Variants in CHCHD6 observed in about 807,000 individuals in gnomAD.
CHCHD6 encodes MICOS complex subunit MIC25.
Under a neutral mutation model 32.3 loss-of-function variants are expected in CHCHD6, and 28 were observed. The ratio of observed to expected loss-of-function variants is 0.87; its 90% CI spans 0.64 to 1.19. The LOEUF is 1.19. CHCHD6 is among the 50% of genes most tolerant of loss of function. The probability of loss-of-function intolerance (pLI) is 0.00; values close to 1 mark genes in which losing one functional copy is unlikely to be tolerated. For synonymous variants in CHCHD6, 122 were observed against 117.5 expected (o/e 1.04, Z -0.25); for missense variants, 333 against 307.0 (o/e 1.08, Z -0.63).
At chr3:126,878,258 G>A (rs1235481516) in intron 5 of CHCHD6, among the ~76,000 whole-genome samples, 2 of 152,248 alleles carry the variant, frequency 1.3e-5, no homozygotes, top group Admixed American at 6.5e-5. Flanking sequence ...GTAGTAGTAA[G>A]CACTCCTTTC....
At chr3:126,941,766 TTGTC>T (rs1342413119) in intron 6 of CHCHD6, among the ~76,000 whole-genome samples, 5 of 152,192 alleles carry the variant, frequency 3.3e-5, no homozygotes, top group Non-Finnish European at 7.3e-5. Context: ...GATGAAAACA[TTGTC>T]TTTTTCTGAC....
At chr3:126,724,101 T>A (rs1386830514) in intron 1 of CHCHD6, among the ~76,000 whole-genome samples, 1 of 152,210 alleles carries the variant, frequency 6.6e-6, no homozygotes, top group Admixed American at 6.5e-5. Flanking sequence ...AGTATTTGAT[T>A]ATCTACTGTA....
chr3:126,723,558 A>T (rs1404059376), intron 1 of CHCHD6, among the ~76,000 whole-genome samples: 1 of 152,158 alleles, frequency 6.6e-6, no homozygotes, highest in African/African-American at 2.4e-5. Flanking sequence ...AAAAAATTCT[A>T]TGACTTTTTA....
rs150298728 is a variant in CHCHD6, at chr3:126,751,696, C to T, written c.411+18474C>T. On this transcript the variant is annotated intron_variant, in intron 4 of 7. Transcript: ENST00000290913. The stretch of plus-strand genomic sequence containing the variant: ...TCTAGCAGCTAGGATTGGAGGCTGC[C>T]GCAGCATGGTGTGAATTCAGGAGCC... 2.0e-5 allele frequency among the ~76,000 whole-genome samples: 3 copies of T among 152,124 alleles called. No individual in the cohort carries two copies. The East Asian group carries it at 5.8e-4, about 29-fold the overall frequency.
chr3:126,706,287 A>G (rs1251832102), intron 1 of CHCHD6, among the ~76,000 whole-genome samples: 1 of 152,220 alleles, frequency 6.6e-6, no homozygotes, highest in Non-Finnish European at 1.5e-5. Context: ...ATACTTCTGC[A>G]ACATATAAAT....
chr3:126,788,746 AT>A (rs1167407969), intron 4 of CHCHD6, among the ~76,000 whole-genome samples: 1 of 151,966 alleles, frequency 6.6e-6, no homozygotes, highest in Non-Finnish European at 1.5e-5. Context: ...CGGTCTATCA[AT>A]TTTGTTGATC....
intron 6 of CHCHD6, chr3:126,957,148 G>A: frequency 1.9e-6 from 1 of 529,468 alleles, no homozygotes; most frequent in Non-Finnish European, 3.4e-6. Flanking sequence ...CAGTGAAGGA[G>A]CCCGGTGTGG....
intron 5 of CHCHD6, among the ~76,000 whole-genome samples, chr3:126,861,759 T>TACCATCACCACCTCCCCCTCCACG (rs1941889486): frequency 6.4e-5 from 1 of 15,574 alleles, no homozygotes. Context: ...CCCCCTCCAC[T>TACCATCACCACCTCCCCCTCCACG]ACCATCACCA....
chr3:126,751,878 C>G (rs972460837), intron 4 of CHCHD6, among the ~76,000 whole-genome samples: 6 of 152,220 alleles, frequency 3.9e-5, no homozygotes, highest in Admixed American at 2.6e-4. Flanking sequence ...GTGCACAGCA[C>G]ATGGAATGTG....
chr3:126,743,569 A>C (rs1168859534), intron 4 of CHCHD6, among the ~76,000 whole-genome samples: 2 of 152,204 alleles, frequency 1.3e-5, no homozygotes, highest in Non-Finnish European at 2.9e-5. Context: ...AGAGGCTGAC[A>C]GCTGGGGCTG....
At chr3:126,895,492 T>A (rs1474771451) in intron 5 of CHCHD6, among the ~76,000 whole-genome samples, 2 of 152,186 alleles carry the variant, frequency 1.3e-5, no homozygotes, top group East Asian at 3.8e-4. Flanking sequence ...ACATTAAAGT[T>A]GAGTTCACAA....
At chr3:126,827,653 T>C (rs1415694119) in intron 4 of CHCHD6, among the ~76,000 whole-genome samples, 1 of 152,216 alleles carries the variant, frequency 6.6e-6, no homozygotes, top group African/African-American at 2.4e-5. Context: ...CACTGTCATC[T>C]GGGATCTTTC....
At chr3:126,836,897 G>A (rs190805139) in intron 4 of CHCHD6, among the ~76,000 whole-genome samples, 105 of 152,290 alleles carry the variant, frequency 6.9e-4, no homozygotes, top group African/African-American at 2.0e-3. Flanking sequence ...GAGCAAGTGC[G>A]GGGGACTGGC....
At chr3:126,808,823 GAGA>G (rs1015687393) in intron 4 of CHCHD6, among the ~76,000 whole-genome samples, 18 of 152,144 alleles carry the variant, frequency 1.2e-4, no homozygotes, top group Non-Finnish European at 2.1e-4. Context: ...TGTCCTGGTG[GAGA>G]AGGACTTTCT....
chr3:126,864,837 C>T (rs1417604702), intron 5 of CHCHD6, among the ~76,000 whole-genome samples: 1 of 141,526 alleles, frequency 7.1e-6, no homozygotes, highest in African/African-American at 2.9e-5. Flanking sequence ...CCTCTTCCTC[C>T]TCCACCATCA....
At chr3:126,785,033 T>C (rs1438783422) in intron 4 of CHCHD6, among the ~76,000 whole-genome samples, 1 of 152,194 alleles carries the variant, frequency 6.6e-6, no homozygotes, top group Non-Finnish European at 1.5e-5. Context: ...TTTACAAAAA[T>C]GTTTAATTCC....
chr3:126,864,041 C>T (rs921988808), intron 5 of CHCHD6, among the ~76,000 whole-genome samples: 1 of 148,552 alleles, frequency 6.7e-6, no homozygotes, highest in Non-Finnish European at 1.5e-5. Flanking sequence ...ATCACCACCT[C>T]CTCCTCCTCT....
At chr3:126,935,195 G>A in intron 6 of CHCHD6, 4 of 983,340 alleles carry the variant, frequency 4.1e-6, no homozygotes, top group Non-Finnish European at 4.8e-6. Flanking sequence ...AGGTAGTGGT[G>A]AGCGGGATGG....
At chr3:126,885,579 A>G (rs867123890) in intron 5 of CHCHD6, among the ~76,000 whole-genome samples, 9 of 152,242 alleles carry the variant, frequency 5.9e-5, no homozygotes, top group African/African-American at 2.2e-4. Flanking sequence ...CTGAGTTCAT[A>G]TTGTAAGAGA....
Sources: gnomAD v4.1 joint callset for allele counts (sites outside exome capture counted in the v4.1 genomes callset) on GRCh38, gnomAD v4.1.1 for gene constraint, MANE v1.5 for transcripts, NCBI Gene and HGNC (gene_info 2026-07-23, HGNC 2026-07-21) for gene names.